The following TENM4 variants were observed in gnomAD, a reference collection of about 807,000 sequenced individuals.
The protein encoded by TENM4 is teneurin transmembrane protein 4.
In TENM4, 82 loss-of-function variants were observed where a neutral mutation model predicts 243.3. That is an observed-to-expected ratio of 0.34 (90% confidence interval 0.28 to 0.40). TENM4 has a LOEUF of 0.40. TENM4 is among the 10% of genes least tolerant of loss of function. TENM4 has a pLI of 1.00. For synonymous variants in TENM4, 1,412 were observed against 1,456.3 expected (o/e 0.97, Z 0.69); for missense variants, 3,138 against 3,673.3 (o/e 0.85, Z 3.77).
intron 1 of TENM4, among the ~76,000 whole-genome samples, chr11:79,322,421 GC>G (rs1856906422): frequency 1.3e-5 from 2 of 152,126 alleles, no homozygotes; most frequent in African/African-American, 4.8e-5. Context: ...TATGTGGCTG[GC>G]CCTGCTCCTA....
At chr11:78,918,988 T>C (rs938499082) in intron 6 of TENM4, among the ~76,000 whole-genome samples, 5 of 152,158 alleles carry the variant, frequency 3.3e-5, no homozygotes, top group African/African-American at 4.8e-5. Flanking sequence ...ATCTATAAAA[T>C]GGAGATAATT....
At chr11:79,052,887 T>A (rs1056150930) in intron 6 of TENM4, among the ~76,000 whole-genome samples, 7 of 152,224 alleles carry the variant, frequency 4.6e-5, no homozygotes, top group Non-Finnish European at 8.8e-5. Context: ...CAGGAGGCAT[T>A]CCTGCTTAGA....
chr11:79,173,632 A>G (rs1245549335), intron 3 of TENM4, among the ~76,000 whole-genome samples: 1 of 152,174 alleles, frequency 6.6e-6, no homozygotes, highest in Non-Finnish European at 1.5e-5. Flanking sequence ...GGACTTAGGT[A>G]GAGAAGGGTT....
intron 4 of TENM4, among the ~76,000 whole-genome samples, chr11:79,122,020 G>A (rs945921056): frequency 6.6e-5 from 10 of 152,054 alleles, no homozygotes; most frequent in South Asian, 2.1e-4. Context: ...TTTCCCCACC[G>A]CTCAAGAAAA....
chr11:78,664,790 G>A, intron 32 of TENM4, among the ~76,000 whole-genome samples: 1 of 152,178 alleles, frequency 6.6e-6, no homozygotes, highest in East Asian at 1.9e-4. Flanking sequence ...TTTGCCTGAG[G>A]CTAAGAACTT....
chr11:79,050,260 A>G (rs1170422159), intron 6 of TENM4, among the ~76,000 whole-genome samples: 1 of 152,192 alleles, frequency 6.6e-6, no homozygotes, highest in African/African-American at 2.4e-5. Context: ...AAAAAGTGAC[A>G]CGATCTTTTT....
chr11:79,203,320 AG>A (rs1863785173), intron 3 of TENM4, among the ~76,000 whole-genome samples: 1 of 152,244 alleles, frequency 6.6e-6, no homozygotes, highest in Non-Finnish European at 1.5e-5. Flanking sequence ...AAGTGTTTAT[AG>A]CAACATTATT....
At chr11:78,837,174 G>A (rs1390189967) in intron 12 of TENM4, among the ~76,000 whole-genome samples, 3 of 152,168 alleles carry the variant, frequency 2.0e-5, no homozygotes, top group African/African-American at 7.2e-5. Flanking sequence ...CGTTGTGGGA[G>A]GGACCCGGTG....
chr11:79,072,409 C>T (rs976506337), intron 4 of TENM4, among the ~76,000 whole-genome samples: 3 of 151,682 alleles, frequency 2.0e-5, no homozygotes, highest in African/African-American at 7.3e-5. Flanking sequence ...ATAGCTTGGG[C>T]CCAGGAGGTC....
At chr11:78,903,574 G>A (rs1253328041) in intron 6 of TENM4, 51 bp from the exon 7 acceptor site, 1 of 1,538,106 alleles carries the variant, frequency 6.5e-7, no homozygotes, top group East Asian at 2.4e-5. Flanking sequence ...GCTGCCCCTC[G>A]GCTGGAAAAG....
At chr11:79,325,110 G>A (rs1856952436) in intron 1 of TENM4, among the ~76,000 whole-genome samples, 1 of 151,804 alleles carries the variant, frequency 6.6e-6, no homozygotes, top group South Asian at 2.1e-4. Context: ...GCACGTGGAA[G>A]AGAGAGAGAG....
intron 1 of TENM4, among the ~76,000 whole-genome samples, chr11:79,390,058 G>A (rs887266580): frequency 1.3e-5 from 2 of 152,216 alleles, no homozygotes; most frequent in African/African-American, 4.8e-5. Flanking sequence ...AGGGAGGCCA[G>A]GGAAGCAGCC....
chr11:78,778,699 G>A, intron 16 of TENM4, 71 bp from the exon 17 acceptor site: 1 of 1,408,098 alleles, frequency 7.1e-7, no homozygotes, highest in Non-Finnish European at 1.0e-6. Context: ...ACATAACCAT[G>A]CCAGATGCTA....
intron 1 of TENM4, among the ~76,000 whole-genome samples, chr11:79,366,039 C>G (rs1857669967): frequency 6.6e-6 from 1 of 152,194 alleles, no homozygotes; most frequent in African/African-American, 2.4e-5. Context: ...CCACAGTAAG[C>G]TAGTGGCTAT....
intron 1 of TENM4, among the ~76,000 whole-genome samples, chr11:79,399,357 A>C (rs1858409326): frequency 6.6e-6 from 1 of 152,220 alleles, no homozygotes; most frequent in African/African-American, 2.4e-5. Context: ...TCTTATTTGA[A>C]ATGCTTATGG....
chr11:78,805,282 C>CCCCACCCCACCCCCCCCCCCCAAAA lies in TENM4; in HGVS notation c.2179+9_2179+10insTTTTGGGGGGGGGGGGTGGGGTGGG. The stretch of plus-strand genomic sequence containing the variant: ...CCCTCTACCCATGCTTCTTCTCCCC[C>CCCCACCCCACCCCCCCCCCCCAAAA]TGCATTTACCGATAGAACAGTCGTG... On this transcript the variant is annotated intron_variant, in intron 15 of 33. Coordinates refer to ENST00000278550, the MANE Select transcript of TENM4 (RefSeq NM_001098816.3). 1 of 995,566 alleles carries CCCCACCCCACCCCCCCCCCCCAAAA rather than the reference C, an allele frequency of 1.0e-6. No individual in the cohort carries two copies. The highest frequency in any genetic ancestry group is 1.2e-6 in the Non-Finnish European group (1 of 823,788). 61.7% of individuals were successfully genotyped at this position (995,566 alleles called of 1,614,324 possible).
At chr11:79,077,549 T>G (rs1860563199) in intron 4 of TENM4, among the ~76,000 whole-genome samples, 1 of 152,216 alleles carries the variant, frequency 6.6e-6, no homozygotes, top group African/African-American at 2.4e-5. Flanking sequence ...ATGCTGAACC[T>G]TACTGCAAGG....
intron 3 of TENM4, among the ~76,000 whole-genome samples, chr11:79,215,042 CT>C (rs1266693165): frequency 5.3e-5 from 8 of 152,176 alleles, no homozygotes; most frequent in African/African-American, 1.9e-4. Context: ...AGAAAAAGTG[CT>C]TGGTACCTAG....
chr11:78,945,790 T>C (rs541806152), intron 6 of TENM4, among the ~76,000 whole-genome samples: 1 of 152,316 alleles, frequency 6.6e-6, no homozygotes, highest in African/African-American at 2.4e-5. Flanking sequence ...AAAGTTTTAG[T>C]GGTCTGGATA....
Sources: allele counts gnomAD v4.1 joint callset (sites outside exome capture counted in the v4.1 genomes callset), GRCh38; gene constraint gnomAD v4.1.1; transcripts MANE v1.5; gene names NCBI Gene and HGNC (gene_info 2026-07-23, HGNC 2026-07-21).